The following MSRB3 variants were observed in gnomAD, a reference collection of about 807,000 sequenced individuals.
MSRB3 encodes the protein methionine sulfoxide reductase B3.
A neutral mutation model predicts 21.0 loss-of-function variants in MSRB3; 13 were observed. That is an observed-to-expected ratio of 0.62 (90% CI 0.40 to 0.98). MSRB3 has a LOEUF of 0.98. Among genes scored for constraint, MSRB3 ranks in the 50% least tolerant of loss-of-function variants. The pLI is 0.00. For missense variants in MSRB3, 199 were observed against 230.3 expected (o/e 0.86, Z 0.88); for synonymous variants, 87 against 88.6 (o/e 0.98, Z 0.10).
At chr12:65,332,634 A>AT (rs1875504331) in intron 4 of MSRB3, among the ~76,000 whole-genome samples, 1 of 152,200 alleles carries the variant, frequency 6.6e-6, no homozygotes, top group Non-Finnish European at 1.5e-5. Context: ...TTAAAGTATA[A>AT]TAAAAAAAAG....
At chr12:65,322,176 G>C (rs920067705) in intron 2 of MSRB3, among the ~76,000 whole-genome samples, 10 of 152,154 alleles carry the variant, frequency 6.6e-5, no homozygotes, top group Non-Finnish European at 1.3e-4. Flanking sequence ...ACTTGTCACT[G>C]ACCCTATGTT....
At chr12:65,369,129 G>A in intron 5 of MSRB3, 103 bp downstream of exon 5, 3 of 884,914 alleles carry the variant, frequency 3.4e-6, no homozygotes, top group Non-Finnish European at 5.5e-6. Context: ...AAACAGACTA[G>A]GCGGTTTCTT....
intron 5 of MSRB3, among the ~76,000 whole-genome samples, chr12:65,410,121 T>G (rs955569795): frequency 6.6e-6 from 1 of 152,242 alleles, no homozygotes; most frequent in African/African-American, 2.4e-5. Flanking sequence ...TATAATGTAA[T>G]TATTCAACTT....
At position 65,465,622 on chromosome 12, in the gene MSRB3, C is replaced by T. The variant is rs1883534478; in HGVS notation, c.*2300C>T. On this transcript the variant is annotated 3_prime_UTR_variant, in exon 7 of 7. Coordinates refer to ENST00000308259, the MANE Select transcript of MSRB3 (RefSeq NM_001031679.3). ...TCATGTACACTTGATTCCAGATGAG[C>T]TCTGGTCTTATCTGGATGCTCAGAT... The T allele has an allele frequency of 6.6e-6, 1 of 152,076 alleles. No homozygotes were observed. The highest frequency in any genetic ancestry group is 6.5e-5 in the Admixed American group (1 of 15,272). 9.4% of individuals were successfully genotyped at this position (152,076 alleles called of 1,614,324 possible).
intron 1 of MSRB3, among the ~76,000 whole-genome samples, chr12:65,282,525 C>G (rs777444816): frequency 1.2e-4 from 18 of 152,032 alleles, no homozygotes; most frequent in Non-Finnish European, 2.5e-4. Flanking sequence ...CAGAAATGAA[C>G]TAGTTTTAGC....
chr12:65,337,277 A>C (rs191570978), intron 4 of MSRB3, among the ~76,000 whole-genome samples: 1,971 of 151,460 alleles, frequency 0.013, 40 homozygotes, highest in African/African-American at 0.04. Flanking sequence ...ACAAAAAAAA[A>C]CCAAAAATCA....
At chr12:65,314,249 T>G (rs547641558) in intron 2 of MSRB3, among the ~76,000 whole-genome samples, 1 of 152,282 alleles carries the variant, frequency 6.6e-6, no homozygotes, top group Admixed American at 6.5e-5. Context: ...AGCTAAATTT[T>G]CTTCAGCAGA....
intron 2 of MSRB3, among the ~76,000 whole-genome samples, chr12:65,320,257 C>CT (rs557334504): frequency 1.6e-3 from 249 of 152,128 alleles, no homozygotes; most frequent in Admixed American, 2.8e-3. Flanking sequence ...AAACAATTAT[C>CT]TTTTTTCTGA....
chr12:65,347,073 GT>G (rs2136484719), intron 4 of MSRB3, among the ~76,000 whole-genome samples: 1 of 152,054 alleles, frequency 6.6e-6, no homozygotes, highest in Admixed American at 6.6e-5. Context: ...TGTGGGCTCT[GT>G]TTTGGTTCCA....
chr12:65,422,964 T>TTC (rs1364250572), intron 5 of MSRB3, among the ~76,000 whole-genome samples: 9 of 146,698 alleles, frequency 6.1e-5, no homozygotes, highest in African/African-American at 1.5e-4. Context: ...GGGTTTTCTT[T>TTC]TTTTTTTTTT....
intron 5 of MSRB3, among the ~76,000 whole-genome samples, chr12:65,393,436 A>G (rs1879591510): frequency 6.6e-6 from 1 of 152,098 alleles, no homozygotes; most frequent in African/African-American, 2.4e-5. Flanking sequence ...GATCAAGACC[A>G]TCCTGGCTAA....
Position 65,463,443 on chromosome 12 carries a change from A to G in MSRB3, c.*121A>G. Reference sequence around the variant, plus strand: ...ATAAGGGCAGTTTTGTGCTATTGATATTTTTTCTTCTTTTGCTTAAACAGA... The same window carrying G: ...ATAAGGGCAGTTTTGTGCTATTGATGTTTTTTCTTCTTTTGCTTAAACAGA... On this transcript the variant is annotated 3_prime_UTR_variant, in exon 7 of 7. Coordinates refer to ENST00000308259, the MANE Select transcript of MSRB3 (RefSeq NM_001031679.3). The G allele has an allele frequency of 1.6e-6, 2 of 1,262,608 alleles. No homozygotes were observed. Among genetic ancestry groups the G allele is most frequent in the South Asian group, 1.4e-5 (1 of 69,262 alleles). The allele number at this position is 1,262,608 out of a possible 1,614,324, so 78.2% of individuals were successfully genotyped here.
chr12:65,394,005 GT>G (rs1336207596), intron 5 of MSRB3, among the ~76,000 whole-genome samples: 1 of 151,846 alleles, frequency 6.6e-6, no homozygotes, highest in African/African-American at 2.4e-5. Context: ...TTATAAATAA[GT>G]AAGGTAAATT....
intron 4 of MSRB3, 91 bp from the exon 5 acceptor site, chr12:65,368,907 C>T: frequency 1.4e-6 from 1 of 698,718 alleles, no homozygotes. Context: ...TAACTATTAC[C>T]TCCCCTCCCA....
rs553226663 is a variant in MSRB3, at chr12:65,353,605, G to A, written c.264-15393G>A. ...AGATCTTCCTCCATCCCTTTATTTT[G>A]AGCCTATGTGTGTCTCTGCATGTGA... On this transcript the variant is annotated intron_variant, in intron 4 of 6. Coordinates refer to ENST00000308259, the MANE Select transcript of MSRB3 (RefSeq NM_001031679.3). Among the ~76,000 whole-genome samples the A allele has an allele frequency of 9.2e-5, 14 of 151,826 alleles. No individual in the cohort carries two copies. In the East Asian group the frequency reaches 2.3e-3, roughly 25 times the overall value.
intron 4 of MSRB3, among the ~76,000 whole-genome samples, chr12:65,333,188 A>G (rs1217507598): frequency 6.6e-6 from 1 of 152,238 alleles, no homozygotes; most frequent in Non-Finnish European, 1.5e-5. Context: ...GAATAAATAA[A>G]ATAAATTTAT....
rs1418883149 is a variant in MSRB3, at chr12:65,465,951, G to A, written c.*2629G>A. 1.3e-5 allele frequency: 2 copies of A among 152,094 alleles called. No homozygotes were observed. The highest frequency in any genetic ancestry group is 6.6e-5 in the Admixed American group (1 of 15,262). The allele number at this position is 152,094 out of a possible 1,614,324, so 9.4% of individuals were successfully genotyped here. On this transcript the variant is annotated 3_prime_UTR_variant, in exon 7 of 7. Coordinates refer to ENST00000308259, the MANE Select transcript of MSRB3 (RefSeq NM_001031679.3). ...TTCAGAGGCACACACAGCACCTCTCGGCTGCTCCAGCTCTGTAGGATAGCC... is the reference window on the plus strand; with the variant it reads ...TTCAGAGGCACACACAGCACCTCTCAGCTGCTCCAGCTCTGTAGGATAGCC...
intron 5 of MSRB3, among the ~76,000 whole-genome samples, chr12:65,438,014 T>C (rs931437833): frequency 6.6e-6 from 1 of 151,942 alleles, no homozygotes; most frequent in African/African-American, 2.4e-5. Flanking sequence ...GATGAGATAA[T>C]TATGCCACTG....
At chr12:65,295,937 A>G (rs1872937264) in intron 1 of MSRB3, among the ~76,000 whole-genome samples, 1 of 152,222 alleles carries the variant, frequency 6.6e-6, no homozygotes, top group African/African-American at 2.4e-5. Context: ...GCCCTAGAAC[A>G]GATTTATTTT....
Sources: gnomAD v4.1 joint callset for allele counts (sites outside exome capture counted in the v4.1 genomes callset) on GRCh38, gnomAD v4.1.1 for gene constraint, MANE v1.5 for transcripts, NCBI Gene and HGNC (gene_info 2026-07-23, HGNC 2026-07-21) for gene names.